NREP: variants seen among roughly 807,000 people sequenced by gnomAD.
NREP encodes neuronal regeneration-related protein.
Under a neutral mutation model 8.6 loss-of-function variants are expected in NREP, and 5 were observed. The ratio of observed to expected loss-of-function variants is 0.58; its 90% CI spans 0.30 to 1.22. The LOEUF is 1.22. Among genes scored for constraint, NREP ranks in the 50% most tolerant of loss-of-function variants. The pLI, the probability that NREP is intolerant of heterozygous loss-of-function variation, is 0.07. For missense variants in NREP, 86 were observed against 82.5 expected (o/e 1.04, Z -0.17); for synonymous variants, 27 against 28.0 (o/e 0.96, Z 0.11).
intron 2 of NREP, among the ~76,000 whole-genome samples, chr5:111,773,641 GTC>G (rs1189094316): frequency 6.6e-6 from 1 of 152,156 alleles, no homozygotes; most frequent in Non-Finnish European, 1.5e-5. Context: ...ACGCAAAAAT[GTC>G]TCTATATTAT....
intron 2 of NREP, among the ~76,000 whole-genome samples, chr5:111,867,781 C>T (rs1374921107): frequency 6.6e-6 from 1 of 152,048 alleles, no homozygotes; most frequent in Non-Finnish European, 1.5e-5. Flanking sequence ...AGTAAGTACA[C>T]ATCCTAGCCC....
intron 2 of NREP, among the ~76,000 whole-genome samples, chr5:111,808,742 A>G (rs1752200657): frequency 1.3e-5 from 2 of 151,998 alleles, no homozygotes. Context: ...CTGATGTGCT[A>G]CTCCAGCACT....
chr5:111,964,580 G>T (rs866415265), intron 2 of NREP, among the ~76,000 whole-genome samples: 1 of 151,920 alleles, frequency 6.6e-6, no homozygotes, highest in Non-Finnish European at 1.5e-5. Context: ...ATGTTGGCCA[G>T]GCTGGTCTAG....
chr5:111,913,544 T>A (rs1754971943), intron 2 of NREP, among the ~76,000 whole-genome samples: 1 of 152,052 alleles, frequency 6.6e-6, no homozygotes, highest in South Asian at 2.1e-4. Flanking sequence ...AGTTCATAGT[T>A]CAGGGTCCTA....
At chr5:111,856,529 A>G (rs890417454) in intron 2 of NREP, among the ~76,000 whole-genome samples, 2 of 152,146 alleles carry the variant, frequency 1.3e-5, no homozygotes, top group Non-Finnish European at 2.9e-5. Flanking sequence ...ATTAAGAGGA[A>G]AGGTTGAGAG....
At chr5:111,791,243 C>T (rs1167380587) in intron 2 of NREP, among the ~76,000 whole-genome samples, 2 of 152,072 alleles carry the variant, frequency 1.3e-5, no homozygotes, top group Admixed American at 6.5e-5. Flanking sequence ...AAAATCTGCT[C>T]AGCAATTTTC....
At chr5:111,832,901 G>A (rs1752807561) in intron 2 of NREP, among the ~76,000 whole-genome samples, 1 of 152,110 alleles carries the variant, frequency 6.6e-6, no homozygotes. Context: ...CAAAATCAAG[G>A]ATTAGACTCA....
At chr5:111,870,714 C>G (rs371828169) in intron 2 of NREP, among the ~76,000 whole-genome samples, 2 of 151,972 alleles carry the variant, frequency 1.3e-5, no homozygotes, top group East Asian at 3.9e-4. Flanking sequence ...AACTGACATC[C>G]TTACAAGAAA....
At chr5:111,939,383 C>T (rs1423641361) in intron 2 of NREP, among the ~76,000 whole-genome samples, 2 of 152,014 alleles carry the variant, frequency 1.3e-5, no homozygotes, top group Non-Finnish European at 2.9e-5. Context: ...CATCAATTTC[C>T]CTTTTAAAGA....
intron 2 of NREP, among the ~76,000 whole-genome samples, chr5:111,971,633 C>T (rs1756821506): frequency 6.6e-6 from 1 of 152,144 alleles, no homozygotes; most frequent in Non-Finnish European, 1.5e-5. Context: ...AAAGAACAGC[C>T]TCTTCAGTAA....
chr5:111,898,366 A>G (rs937931582), intron 2 of NREP, among the ~76,000 whole-genome samples: 2 of 152,222 alleles, frequency 1.3e-5, no homozygotes, highest in Non-Finnish European at 2.9e-5. Flanking sequence ...TTTCTTACGT[A>G]TTGGCTGAGG....
At chr5:111,776,244 G>A (rs1460119503) in intron 2 of NREP, among the ~76,000 whole-genome samples, 1 of 152,046 alleles carries the variant, frequency 6.6e-6, no homozygotes, top group South Asian at 2.1e-4. Context: ...TTATGTCAAG[G>A]GGTATTATTT....
At chr5:111,929,349 T>C (rs1294584748) in intron 2 of NREP, among the ~76,000 whole-genome samples, 1 of 152,188 alleles carries the variant, frequency 6.6e-6, no homozygotes, top group East Asian at 1.9e-4. Flanking sequence ...CAAAGTGTTT[T>C]AAAGAGGAGA....
intron 2 of NREP, among the ~76,000 whole-genome samples, chr5:111,947,300 A>T (rs970982178): frequency 1.3e-5 from 2 of 152,010 alleles, no homozygotes; most frequent in Non-Finnish European, 2.9e-5. Flanking sequence ...GATTTTATTA[A>T]TTCAGATTCA....
In NREP at chr5:111,730,270, A is replaced by T. The variant is rs927701998; in HGVS notation, c.*651T>A. Reference sequence around the variant, plus strand: ...CCAGTCTAGAGAACAACATTCAGGGAAACAGAGTACCAACACCTTCTTAGA... The same window carrying T: ...CCAGTCTAGAGAACAACATTCAGGGTAACAGAGTACCAACACCTTCTTAGA... On this transcript the variant is annotated 3_prime_UTR_variant, in exon 4 of 4. Transcript: ENST00000257435. 3.3e-5 allele frequency: 5 copies of T among 152,584 alleles called. No individual in the cohort carries two copies. Among genetic ancestry groups the T allele is most frequent in the Non-Finnish European group, 7.4e-5 (5 of 68,026 alleles). The allele number at this position is 152,584 out of a possible 1,614,324, so 9.5% of individuals were successfully genotyped here.
chr5:111,838,411 C>G (rs911329625), intron 2 of NREP, among the ~76,000 whole-genome samples: 20 of 152,120 alleles, frequency 1.3e-4, no homozygotes, highest in African/African-American at 4.8e-4. Flanking sequence ...ATAGTACATC[C>G]TTATTCAACC....
chr5:111,761,748 C>A (rs888785581), upstream of NREP, among the ~76,000 whole-genome samples: 1 of 152,108 alleles, frequency 6.6e-6, no homozygotes. Context: ...GGGAAGGTGA[C>A]GCCAAGGAAT....
intron 2 of NREP, among the ~76,000 whole-genome samples, chr5:111,883,724 C>T (rs1371429703): frequency 1.3e-5 from 2 of 152,142 alleles, no homozygotes; most frequent in African/African-American, 2.4e-5. Context: ...TGAATGACTA[C>T]TGGGTACATA....
At chr5:111,883,721 C>A (rs573627980) in intron 2 of NREP, among the ~76,000 whole-genome samples, 1 of 152,154 alleles carries the variant, frequency 6.6e-6, no homozygotes, top group Non-Finnish European at 1.5e-5. Flanking sequence ...TCCTGAATGA[C>A]TACTGGGTAC....
Sources: allele counts gnomAD v4.1 joint callset (sites outside exome capture counted in the v4.1 genomes callset), GRCh38; gene constraint gnomAD v4.1.1; transcripts MANE v1.5; gene names NCBI Gene and HGNC (gene_info 2026-07-23, HGNC 2026-07-21).